The following PAIP2 variants were observed in gnomAD, a reference collection of about 807,000 sequenced individuals.
PAIP2 encodes the protein polyadenylate-binding protein-interacting protein 2.
In PAIP2, 7 loss-of-function variants were observed where a neutral mutation model predicts 14.8. The observed-to-expected ratio is 0.47, with a 90% confidence interval of 0.27 to 0.89. The LOEUF (loss-of-function observed/expected upper bound fraction) is 0.89, where lower values mean the gene tolerates loss of function less well. Ranked by LOEUF, PAIP2 falls within the 40% of genes least tolerant of loss-of-function variation. PAIP2 has a pLI of 0.13. For missense variants in PAIP2, 122 were observed against 154.7 expected, an observed-to-expected ratio of 0.79 and a Z score of 1.12; for synonymous variants, 47 against 45.3, an observed-to-expected ratio of 1.04 and a Z score of -0.15.
At chr5:139,354,492 A>G (rs1371788673) in intron 1 of PAIP2, among the ~76,000 whole-genome samples, 1 of 152,182 alleles carries the variant, frequency 6.6e-6, no homozygotes, top group Non-Finnish European at 1.5e-5. Context: ...GGTACGGGTC[A>G]TATTGAGTTT....
chr5:139,356,015 G>A (rs1339077232), intron 1 of PAIP2, among the ~76,000 whole-genome samples: 2 of 152,134 alleles, frequency 1.3e-5, no homozygotes, highest in Non-Finnish European at 2.9e-5. Flanking sequence ...TTGGGTGCCT[G>A]TGATCCCAGC....
At chr5:139,346,795 T>TGG (rs1756565933) in intron 1 of PAIP2, among the ~76,000 whole-genome samples, 1 of 152,188 alleles carries the variant, frequency 6.6e-6, no homozygotes, top group Non-Finnish European at 1.5e-5. Context: ...CCCAAAGTGC[T>TGG]GGGCGTGAGC....
chr5:139,363,779 T>C lies in PAIP2; in HGVS notation c.-6T>C. 1 of 1,612,564 alleles carries C rather than the reference T, an allele frequency of 6.2e-7. No individual in the cohort carries two copies. Among genetic ancestry groups the C allele is most frequent in the Non-Finnish European group, 8.5e-7 (1 of 1,179,316 alleles). On this transcript the variant is annotated 5_prime_UTR_variant, in exon 2 of 4. Coordinates refer to ENST00000265192, the MANE Select transcript of PAIP2 (RefSeq NM_016480.5). Reference sequence around the variant, plus strand: ...TTAAGGTTAAAAACGACAACCAACATCAGCCATGAAAGATCCAAGTCGCAG... The same window carrying C: ...TTAAGGTTAAAAACGACAACCAACACCAGCCATGAAAGATCCAAGTCGCAG...
At chr5:139,364,314 C>T (rs1222474213) in intron 2 of PAIP2, among the ~76,000 whole-genome samples, 2 of 152,154 alleles carry the variant, frequency 1.3e-5, no homozygotes, top group Non-Finnish European at 1.5e-5. Context: ...AGACAGGCAT[C>T]TCTTTTTACT....
At chr5:139,362,501 C>T (rs928528577) in intron 1 of PAIP2, among the ~76,000 whole-genome samples, 1 of 150,816 alleles carries the variant, frequency 6.6e-6, no homozygotes, top group Non-Finnish European at 1.5e-5. Context: ...GCCTCCGCCT[C>T]CCGGGTTCAA....
intron 1 of PAIP2, among the ~76,000 whole-genome samples, chr5:139,347,268 C>CTTTTTT (rs34018719): frequency 9.4e-6 from 1 of 105,868 alleles, no homozygotes; most frequent in South Asian, 3.2e-4. Flanking sequence ...CATGTTACAA[C>CTTTTTT]TTTTTTTTTT....
intron 1 of PAIP2, among the ~76,000 whole-genome samples, chr5:139,359,385 C>T (rs1561962178): frequency 6.6e-6 from 1 of 152,026 alleles, no homozygotes; most frequent in African/African-American, 2.4e-5. Flanking sequence ...GTGATCTGCC[C>T]GCCTCAGCCT....
chr5:139,362,214 TTTGTTG>T (rs138469979), intron 1 of PAIP2, among the ~76,000 whole-genome samples: 36 of 151,804 alleles, frequency 2.4e-4, no homozygotes, highest in Admixed American at 9.9e-4. Context: ...GTGTTTGGTT[TTTGTTG>T]TTGTTGTTGT....
intron 1 of PAIP2, among the ~76,000 whole-genome samples, chr5:139,359,976 C>CT (rs908556865): frequency 1.3e-5 from 2 of 151,444 alleles, no homozygotes; most frequent in African/African-American, 2.4e-5. Flanking sequence ...TTCTTCTTTT[C>CT]TTTTTTTTGA....
intron 1 of PAIP2, among the ~76,000 whole-genome samples, chr5:139,342,182 C>G (rs1383526171): frequency 1.3e-5 from 2 of 152,060 alleles, no homozygotes; most frequent in Admixed American, 6.6e-5. Context: ...CGAGACATGG[C>G]CGTCGCTTTT....
At chr5:139,368,255 G>A (rs1360680046) in intron 3 of PAIP2, among the ~76,000 whole-genome samples, 3 of 152,106 alleles carry the variant, frequency 2.0e-5, no homozygotes, top group Non-Finnish European at 4.4e-5. Context: ...CAGGAGAATG[G>A]TGTGAACCCG....
At chr5:139,368,097 A>C (rs535654851) in intron 3 of PAIP2, among the ~76,000 whole-genome samples, 1 of 152,344 alleles carries the variant, frequency 6.6e-6, no homozygotes, top group Non-Finnish European at 1.5e-5. Context: ...GCACTTTGGG[A>C]GGCCAAGGCG....
chr5:139,361,126 C>T (rs1345278154), intron 1 of PAIP2, among the ~76,000 whole-genome samples: 1 of 151,790 alleles, frequency 6.6e-6, no homozygotes, highest in Non-Finnish European at 1.5e-5. Context: ...GACAGAAGTT[C>T]CCAGAAATTT....
chr5:139,359,957 T>A (rs1212629829), intron 1 of PAIP2, among the ~76,000 whole-genome samples: 1 of 151,262 alleles, frequency 6.6e-6, no homozygotes. Flanking sequence ...CAAAAAAAAA[T>A]GGGTAATTTT....
chr5:139,348,700 C>CA (rs1003219322), intron 1 of PAIP2, among the ~76,000 whole-genome samples: 1 of 130,532 alleles, frequency 7.7e-6, no homozygotes, highest in African/African-American at 2.9e-5. Context: ...TTTTTAAAGT[C>CA]AGAGTTTCAC....
chr5:139,351,086 A>G (rs751634169), intron 1 of PAIP2, among the ~76,000 whole-genome samples: 64 of 152,330 alleles, frequency 4.2e-4, no homozygotes, highest in Non-Finnish European at 2.2e-4. Context: ...AACAAATGTC[A>G]TTTTTAGCTC....
intron 1 of PAIP2, among the ~76,000 whole-genome samples, chr5:139,350,807 A>G (rs960163657): frequency 6.6e-5 from 10 of 152,264 alleles, no homozygotes; most frequent in African/African-American, 1.2e-4. Flanking sequence ...AGTTTTTGAT[A>G]TTGGTATAGA....
intron 1 of PAIP2, among the ~76,000 whole-genome samples, chr5:139,347,891 G>A (rs547788077): frequency 2.6e-5 from 4 of 152,196 alleles, no homozygotes; most frequent in South Asian, 4.1e-4. Context: ...GAAACAACTC[G>A]GCCAGTGTGG....
At chr5:139,345,573 A>G (rs1756514752) in intron 1 of PAIP2, among the ~76,000 whole-genome samples, 1 of 151,994 alleles carries the variant, frequency 6.6e-6, no homozygotes, top group African/African-American at 2.4e-5. Flanking sequence ...ATGAGAAAAG[A>G]TGGTGCCTAT....
Sources: allele counts gnomAD v4.1 joint callset (sites outside exome capture counted in the v4.1 genomes callset), GRCh38; gene constraint gnomAD v4.1.1; transcripts MANE v1.5; gene names NCBI Gene and HGNC (gene_info 2026-07-23, HGNC 2026-07-21).